The following TDRD12 variants were observed in gnomAD, a reference collection of about 807,000 sequenced individuals.
TDRD12 encodes putative ATP-dependent RNA helicase TDRD12.
In TDRD12, 158 loss-of-function variants were observed where a neutral mutation model predicts 133.5. The observed-to-expected ratio is 1.18, with a 90% confidence interval of 1.04 to 1.35. The LOEUF is 1.35. TDRD12 is among the 40% of genes most tolerant of loss of function. The probability of loss-of-function intolerance (pLI) is 0.00; values close to 1 mark genes in which losing one functional copy is unlikely to be tolerated. For synonymous variants in TDRD12, 460 were observed against 477.9 expected (o/e 0.96, Z 0.49); for missense variants, 1,443 against 1,321.3 (o/e 1.09, Z -1.43).
intron 12 of TDRD12, 68 bp from the exon 13 acceptor site, chr19:32,790,896 A>C (rs1444702636): frequency 1.3e-5 from 19 of 1,492,308 alleles, no homozygotes; most frequent in Non-Finnish European, 1.7e-5. Context: ...CATTTCTGTG[A>C]AGTTCTTGAT....
intron 10 of TDRD12, among the ~76,000 whole-genome samples, chr19:32,776,588 A>G (rs1167578287): frequency 6.6e-6 from 1 of 152,190 alleles, no homozygotes; most frequent in Non-Finnish European, 1.5e-5. Flanking sequence ...ACAGAGAGAA[A>G]AAAGACAAGA....
intron 11 of TDRD12, among the ~76,000 whole-genome samples, chr19:32,786,080 T>G (rs560314183): frequency 5.3e-5 from 8 of 152,198 alleles, no homozygotes; most frequent in African/African-American, 1.7e-4. Flanking sequence ...ATTGTTCCTA[T>G]CCATGTTTAG....
chr19:32,789,386 C>G (rs1235353293), intron 11 of TDRD12, among the ~76,000 whole-genome samples: 1 of 152,172 alleles, frequency 6.6e-6, no homozygotes, highest in Non-Finnish European at 1.5e-5. Flanking sequence ...GAGTTTGCAA[C>G]CACACAAGTA....
chr19:32,821,053 C>T (rs1173314917), exon 28 of TDRD12: 6 of 1,535,790 alleles, frequency 3.9e-6, no homozygotes, highest in Middle Eastern at 3.3e-4. Context: ...GCAGAAGATG[C>T]TGCTTGCCTG....
intron 11 of TDRD12, among the ~76,000 whole-genome samples, chr19:32,790,043 A>G (rs972017667): frequency 6.6e-6 from 1 of 151,856 alleles, no homozygotes; most frequent in Non-Finnish European, 1.5e-5. Flanking sequence ...TACAGGAATG[A>G]GGCTTTAGGA....
chr19:32,775,340 T>A (rs1050603800), intron 10 of TDRD12, among the ~76,000 whole-genome samples: 2 of 152,144 alleles, frequency 1.3e-5, no homozygotes, highest in African/African-American at 4.8e-5. Flanking sequence ...TATATCTATA[T>A]TTTTTTGCGA....
intron 22 of TDRD12, 134 bp downstream of exon 22, chr19:32,807,782 C>G: frequency 2.0e-6 from 1 of 495,016 alleles, no homozygotes; most frequent in South Asian, 5.2e-5. Flanking sequence ...ACCATTAGTG[C>G]AACCAGAGGC....
At chr19:32,826,013 T>G, downstream of TDRD12, 3 of 970,082 alleles carry the variant, frequency 3.1e-6, no homozygotes, top group Non-Finnish European at 4.5e-6. Context: ...TTGCATAAGG[T>G]ACAAAAAAGT....
intron 13 of TDRD12, among the ~76,000 whole-genome samples, chr19:32,792,215 C>T (rs1368612714): frequency 1.3e-5 from 2 of 151,622 alleles, no homozygotes; most frequent in African/African-American, 2.4e-5. Context: ...CACTGAACTC[C>T]AGCCTGGGCA....
chr19:32,724,034 A>T (rs1000692576), intron 1 of TDRD12, among the ~76,000 whole-genome samples: 5 of 151,458 alleles, frequency 3.3e-5, no homozygotes, highest in Non-Finnish European at 5.9e-5. Flanking sequence ...ATTAAAAAAA[A>T]TTTTTTTAGA....
intron 3 of TDRD12, among the ~76,000 whole-genome samples, chr19:32,740,219 ACT>A (rs1969376331): frequency 2.1e-5 from 1 of 47,938 alleles, no homozygotes; most frequent in African/African-American, 1.0e-4. Context: ...TCTCCTGGGT[ACT>A]CTCTGCATCT....
chr19:32,759,337 A>G (rs184124302), intron 8 of TDRD12, among the ~76,000 whole-genome samples: 32 of 151,936 alleles, frequency 2.1e-4, no homozygotes, highest in African/African-American at 7.5e-4. Context: ...AGAGCCTGCA[A>G]CTGCCCATAT....
At chr19:32,815,301 A>G (rs1283244340) in intron 25 of TDRD12, 147 bp from the exon 26 acceptor site, 16 of 639,568 alleles carry the variant, frequency 2.5e-5, no homozygotes, top group Non-Finnish European at 3.9e-5. Context: ...AGATGCTGCC[A>G]TGGAAAGCCC....
intron 21 of TDRD12, among the ~76,000 whole-genome samples, chr19:32,806,957 C>T (rs1055618043): frequency 3.9e-5 from 6 of 152,136 alleles, no homozygotes; most frequent in East Asian, 1.9e-4. Context: ...CCACTGTGCT[C>T]GGCCTCAAAT....
intron 7 of TDRD12, 59 bp downstream of exon 7, chr19:32,756,240 T>C: frequency 7.5e-7 from 1 of 1,338,148 alleles, no homozygotes; most frequent in Non-Finnish European, 9.7e-7. Context: ...AATCTTAGTG[T>C]ATAGATATAA....
intron 1 of TDRD12, among the ~76,000 whole-genome samples, chr19:32,722,640 AT>A (rs1298555811): frequency 5.3e-5 from 8 of 150,118 alleles, no homozygotes; most frequent in Non-Finnish European, 8.9e-5. Context: ...AGTCACAAAG[AT>A]TTTTTTCCCC....
At chr19:32,829,142 G>C (rs1967678885) in exon 10 of TDRD12, 1 of 152,326 alleles carries the variant, frequency 6.6e-6, no homozygotes, top group African/African-American at 2.4e-5. Context: ...TGTTGGTGGA[G>C]CTCTGGGGGC....
intron 15 of TDRD12, 139 bp from the exon 16 acceptor site, chr19:32,798,169 C>CAT (rs2145687150): frequency 1.4e-6 from 1 of 717,766 alleles, no homozygotes; most frequent in East Asian, 2.7e-5. Flanking sequence ...AGATGCTGGG[C>CAT]ATATGGGGTT....
intron 8 of TDRD12, among the ~76,000 whole-genome samples, chr19:32,769,230 T>A (rs1446735055): frequency 6.6e-6 from 1 of 152,222 alleles, no homozygotes; most frequent in Non-Finnish European, 1.5e-5. Context: ...TCTCTATATT[T>A]TCTACTTTTG....
Sources: gnomAD v4.1 joint callset for allele counts (sites outside exome capture counted in the v4.1 genomes callset) on GRCh38, gnomAD v4.1.1 for gene constraint, MANE v1.5 for transcripts, NCBI Gene and HGNC (gene_info 2026-07-23, HGNC 2026-07-21) for gene names.